The following HIBADH variants were observed in gnomAD, a reference collection of about 807,000 sequenced individuals.
HIBADH encodes the protein 3-hydroxyisobutyrate dehydrogenase.
HIBADH carries 25 observed loss-of-function variants against 36.1 expected under a neutral mutation model. The ratio of observed to expected loss-of-function variants is 0.69; its 90% CI spans 0.50 to 0.97. The LOEUF (loss-of-function observed/expected upper bound fraction) is 0.97, where lower values mean the gene tolerates loss of function less well. Ranked by LOEUF, HIBADH falls within the 50% of genes least tolerant of loss-of-function variation. The probability of loss-of-function intolerance (pLI) is 0.00; values close to 1 mark genes in which losing one functional copy is unlikely to be tolerated. For missense variants in HIBADH, 421 were observed against 418.0 expected, an observed-to-expected ratio of 1.01 and a Z score of -0.06; for synonymous variants, 160 against 149.5, an observed-to-expected ratio of 1.07 and a Z score of -0.51.
At chr7:27,579,301 T>C (rs990572505) in intron 4 of HIBADH, among the ~76,000 whole-genome samples, 8 of 152,172 alleles carry the variant, frequency 5.3e-5, no homozygotes, top group Non-Finnish European at 8.8e-5. Context: ...ACAAAAATTA[T>C]GTGGCACGGG....
chr7:27,634,277 A>C (rs776894924), intron 2 of HIBADH, among the ~76,000 whole-genome samples: 1 of 152,190 alleles, frequency 6.6e-6, no homozygotes, highest in Non-Finnish European at 1.5e-5. Flanking sequence ...AATGAGATAC[A>C]TTCAACCTGT....
chr7:27,625,655 G>A (rs973926706), intron 4 of HIBADH, among the ~76,000 whole-genome samples: 6 of 151,928 alleles, frequency 3.9e-5, no homozygotes, highest in East Asian at 3.9e-4. Context: ...ACTTTATACC[G>A]CACATATATT....
intron 4 of HIBADH, among the ~76,000 whole-genome samples, chr7:27,571,409 G>C (rs1263497042): frequency 2.0e-5 from 3 of 152,036 alleles, no homozygotes; most frequent in Non-Finnish European, 4.4e-5. Flanking sequence ...ATTTTTAGTA[G>C]AGACAGGATT....
intron 4 of HIBADH, among the ~76,000 whole-genome samples, chr7:27,544,202 A>G (rs923692515): frequency 1.3e-5 from 2 of 152,202 alleles, no homozygotes; most frequent in Non-Finnish European, 2.9e-5. Flanking sequence ...CAGTATTTAT[A>G]TATTTTTTAA....
chr7:27,553,316 T>C (rs531676406), intron 4 of HIBADH, among the ~76,000 whole-genome samples: 18 of 152,336 alleles, frequency 1.2e-4, no homozygotes, highest in African/African-American at 4.3e-4. Flanking sequence ...AAGCGGTCGA[T>C]AGATCCTTAA....
In HIBADH at chr7:27,563,906, T is replaced by C. The variant is rs574040594; in HGVS notation, c.485-20806A>G. ...GGAGAAGTTTGTTAATTTTCTTTTT[T>C]TTTTTTTTTTGAGATGGAGTCTGGC... is the stretch of plus-strand genomic sequence containing the variant. On this transcript the variant is annotated intron_variant, in intron 4 of 7. Coordinates refer to ENST00000265395, the MANE Select transcript of HIBADH (RefSeq NM_152740.4). Among the ~76,000 whole-genome samples, 5 of 149,206 alleles carry C rather than the reference T, an allele frequency of 3.4e-5. No homozygotes were observed. The South Asian group carries it at 8.6e-4, about 26-fold the overall frequency.
intron 1 of HIBADH, among the ~76,000 whole-genome samples, chr7:27,660,941 G>A (rs913264536): frequency 3.9e-5 from 6 of 152,086 alleles, no homozygotes; most frequent in Non-Finnish European, 8.8e-5. Context: ...TACATCAAGG[G>A]TTCATTAAAA....
intron 2 of HIBADH, among the ~76,000 whole-genome samples, chr7:27,633,517 G>A (rs996196997): frequency 2.0e-5 from 3 of 152,042 alleles, no homozygotes. Context: ...AAATTAGCTG[G>A]GTGTAGTGGG....
At position 27,629,467 on chromosome 7, in the gene HIBADH, T is replaced by C; in HGVS notation, c.388A>G (p.Ile130Val). 6.3e-7 allele frequency: 1 copy of C among 1,599,466 alleles called. No homozygotes were observed. The highest frequency in any genetic ancestry group is 8.5e-7 in the Non-Finnish European group (1 of 1,171,042). Residue 130 changes from isoleucine to valine, a missense_variant, in exon 4 of 8, where the codon ATA becomes GTA. By Grantham distance (29) the Ile-to-Val change is conservative. Transcript: ENST00000265395. ...LKKVKKGSLL[I>V]DSSTIDPAVS... ...GCAGGATCAATAGTGCTGGAATCTA[T>C]TAATAATGAGCCCTTCTTCACTTTT...
At chr7:27,571,196 A>G (rs764376309) in intron 4 of HIBADH, among the ~76,000 whole-genome samples, 1 of 150,330 alleles carries the variant, frequency 6.7e-6, no homozygotes, top group South Asian at 2.1e-4. Context: ...CATTTTCTGG[A>G]TCCTTATTCA....
At chr7:27,569,037 C>T (rs1015645953) in intron 4 of HIBADH, among the ~76,000 whole-genome samples, 1 of 151,382 alleles carries the variant, frequency 6.6e-6, no homozygotes, top group Non-Finnish European at 1.5e-5. Context: ...TTACAGTCTT[C>T]TTCTTTTAGT....
intron 5 of HIBADH, among the ~76,000 whole-genome samples, chr7:27,540,035 TGGTAGAAGGGGA>T (rs1784125959): frequency 6.6e-6 from 1 of 151,422 alleles, no homozygotes; most frequent in East Asian, 1.9e-4. Context: ...GAGGTGGAGG[TGGTAGAAGGGGA>T]GGCAGAAGGG....
chr7:27,632,468 A>T, intron 2 of HIBADH, 23 bp from the exon 3 acceptor site: 1 of 1,506,804 alleles, frequency 6.6e-7, no homozygotes, highest in Non-Finnish European at 9.2e-7. Flanking sequence ...TTGCAAAGGC[A>T]CATTATTTAA....
At chr7:27,641,757 C>A (rs187536057) in intron 2 of HIBADH, among the ~76,000 whole-genome samples, 6 of 151,048 alleles carry the variant, frequency 4.0e-5, no homozygotes, top group African/African-American at 9.9e-5. Context: ...AAGCTGCCAA[C>A]GTAAATCATT....
intron 1 of HIBADH, among the ~76,000 whole-genome samples, chr7:27,660,374 C>T (rs1786390177): frequency 1.3e-5 from 2 of 152,006 alleles, no homozygotes; most frequent in South Asian, 4.1e-4. Flanking sequence ...AAAACAATTC[C>T]AAAGAAAGGC....
At chr7:27,623,088 G>T (rs1380478971) in intron 4 of HIBADH, among the ~76,000 whole-genome samples, 1 of 152,072 alleles carries the variant, frequency 6.6e-6, no homozygotes, top group Non-Finnish European at 1.5e-5. Flanking sequence ...TTTACACCAG[G>T]GATATAAGGA....
intron 2 of HIBADH, among the ~76,000 whole-genome samples, chr7:27,634,262 T>C (rs1345065532): frequency 6.6e-6 from 1 of 152,190 alleles, no homozygotes; most frequent in Non-Finnish European, 1.5e-5. Flanking sequence ...CATTTTATAA[T>C]CTACAATGAG....
chr7:27,552,316 T>A (rs1784330115), intron 4 of HIBADH, among the ~76,000 whole-genome samples: 1 of 152,212 alleles, frequency 6.6e-6, no homozygotes, highest in African/African-American at 2.4e-5. Flanking sequence ...ACATAACCCC[T>A]TGTTAACACT....
At chr7:27,579,305 G>A (rs1784757696) in intron 4 of HIBADH, among the ~76,000 whole-genome samples, 1 of 152,110 alleles carries the variant, frequency 6.6e-6, no homozygotes, top group Non-Finnish European at 1.5e-5. Context: ...AAATTATGTG[G>A]CACGGGGCTG....
Sources: allele counts gnomAD v4.1 joint callset (sites outside exome capture counted in the v4.1 genomes callset), GRCh38; gene constraint gnomAD v4.1.1; transcripts MANE v1.5; gene names NCBI Gene and HGNC (gene_info 2026-07-23, HGNC 2026-07-21).